Variants in TAS2R1 observed in about 807,000 individuals in gnomAD.
TAS2R1 encodes the protein taste 2 receptor member 1, also known as taste receptor type 2 member 1.
For missense variants in TAS2R1, 370 were observed against 353.4 expected (o/e 1.05, Z -0.38); for synonymous variants, 141 against 134.2 (o/e 1.05, Z -0.35).
At chr5:9,870,464 T>G in the TAS2R1 span, among the ~76,000 whole-genome samples, 1 of 152,216 alleles carries the variant, frequency 6.6e-6, no homozygotes. Flanking sequence ...CTCTGTAGTC[T>G]TAGCTGTCAC....
chr5:9,653,616 C>T (rs1455408792), intron 2 of TAS2R1, among the ~76,000 whole-genome samples: 1 of 152,136 alleles, frequency 6.6e-6, no homozygotes, highest in Non-Finnish European at 1.5e-5. Flanking sequence ...AGCAGCGACA[C>T]CATTTTACAT....
At chr5:9,764,603 T>C in the TAS2R1 span, among the ~76,000 whole-genome samples, 4 of 152,140 alleles carry the variant, frequency 2.6e-5, no homozygotes, top group Non-Finnish European at 5.9e-5. Flanking sequence ...AACAAGTAGG[T>C]CCCTTACACA....
chr5:9,721,983 A>G, the TAS2R1 span, among the ~76,000 whole-genome samples: 1 of 152,232 alleles, frequency 6.6e-6, no homozygotes, highest in African/African-American at 2.4e-5. Flanking sequence ...ATAGGTGGCC[A>G]GACCAGTAAC....
chr5:9,812,788 C>A, the TAS2R1 span, among the ~76,000 whole-genome samples: 1 of 152,186 alleles, frequency 6.6e-6, no homozygotes, highest in African/African-American at 2.4e-5. Flanking sequence ...GTAGTGAAAG[C>A]AAGCCATGTG....
the TAS2R1 span, among the ~76,000 whole-genome samples, chr5:9,743,568 G>A: frequency 6.6e-6 from 1 of 152,112 alleles, no homozygotes; most frequent in Non-Finnish European, 1.5e-5. Context: ...GTCACTTCGC[G>A]CCTCTTTGCC....
chr5:9,902,279 T>C, the TAS2R1 span, among the ~76,000 whole-genome samples: 2 of 152,042 alleles, frequency 1.3e-5, no homozygotes, highest in Non-Finnish European at 2.9e-5. Flanking sequence ...ACTGAGTGGG[T>C]CAACTACCAC....
chr5:9,840,110 G>T, the TAS2R1 span, among the ~76,000 whole-genome samples: 1 of 152,262 alleles, frequency 6.6e-6, no homozygotes, highest in South Asian at 2.1e-4. Flanking sequence ...GCTGCATAAA[G>T]TTCCCTGGTG....
At chr5:9,791,904 T>A in the TAS2R1 span, among the ~76,000 whole-genome samples, 2 of 152,166 alleles carry the variant, frequency 1.3e-5, no homozygotes, top group Admixed American at 6.5e-5. Flanking sequence ...AGCTCTCCTG[T>A]GAGCAGCCGA....
the TAS2R1 span, among the ~76,000 whole-genome samples, chr5:9,847,480 C>A: frequency 6.6e-6 from 1 of 152,184 alleles, no homozygotes; most frequent in East Asian, 1.9e-4. Flanking sequence ...AAATGCAGAA[C>A]CTGAGATAGG....
the TAS2R1 span, among the ~76,000 whole-genome samples, chr5:9,752,168 C>T: frequency 1.3e-5 from 2 of 152,290 alleles, no homozygotes; most frequent in South Asian, 4.2e-4. Flanking sequence ...ATACACTACC[C>T]ATTCTGGCAT....
chr5:9,864,632 C>CAAAA, the TAS2R1 span, among the ~76,000 whole-genome samples: 1 of 122,360 alleles, frequency 8.2e-6, no homozygotes, highest in African/African-American at 3.0e-5. Context: ...AGACTCCACT[C>CAAAA]AAAAAAAAAA....
intron 1 of TAS2R1, among the ~76,000 whole-genome samples, chr5:9,670,236 T>C (rs1269452072): frequency 2.0e-5 from 3 of 151,924 alleles, no homozygotes; most frequent in East Asian, 3.9e-4. Context: ...CAATAATGAG[T>C]TGTATTAAAT....
the TAS2R1 span, among the ~76,000 whole-genome samples, chr5:9,861,037 G>GTTTTTTTTTTTTTTTTTGTT: frequency 1.0e-4 from 9 of 88,612 alleles, no homozygotes; most frequent in Non-Finnish European, 1.5e-4. Flanking sequence ...GGAAGATGAG[G>GTTTTTTTTTTTTTTTTTGTT]TTTTTTTTTT....
rs777212943 is a variant in TAS2R1 at position 9,629,232 on chromosome 5, A to G, written c.801T>C (p.Gly267=). The G allele has an allele frequency of 6.2e-7, 1 of 1,613,678 alleles. No individual in the cohort carries two copies. The highest frequency in any genetic ancestry group is 8.5e-7 in the Non-Finnish European group (1 of 1,179,890). The part of the protein sequence containing the change: ...FIFLFFILVI[G]IYPSGHSLIL... ...TGAGAGAGTGTCCAGAAGGGTATAT[A>G]CCAATCACAAGGATGAAGAACAGAA... Residue 267 remains glycine, a synonymous_variant, in exon 1 of 1, where the codon GGT becomes GGC. Coordinates refer to ENST00000382492, the MANE Select transcript of TAS2R1 (RefSeq NM_019599.3).
the TAS2R1 span, among the ~76,000 whole-genome samples, chr5:9,725,808 G>C: frequency 6.6e-6 from 1 of 152,334 alleles, no homozygotes; most frequent in African/African-American, 2.4e-5. Context: ...TGGTGGGGAC[G>C]TGGAGAACCT....
chr5:9,705,146 CACA>C (rs955035111), intron 1 of TAS2R1, among the ~76,000 whole-genome samples: 4 of 152,044 alleles, frequency 2.6e-5, no homozygotes, highest in Non-Finnish European at 5.9e-5. Flanking sequence ...AAAAAAATCC[CACA>C]ACAATTCAGA....
At chr5:9,872,919 CT>C in the TAS2R1 span, among the ~76,000 whole-genome samples, 1 of 152,188 alleles carries the variant, frequency 6.6e-6, no homozygotes. Context: ...AATCATTAAT[CT>C]GTCAGACATG....
intron 2 of TAS2R1, among the ~76,000 whole-genome samples, chr5:9,653,635 A>G (rs1345131316): frequency 6.6e-6 from 1 of 152,144 alleles, no homozygotes; most frequent in African/African-American, 2.4e-5. Context: ...ATTCCCATCC[A>G]TAGTGCACAG....
the TAS2R1 span, among the ~76,000 whole-genome samples, chr5:9,815,707 T>C: frequency 1.3e-5 from 2 of 151,388 alleles, no homozygotes; most frequent in Non-Finnish European, 2.9e-5. Flanking sequence ...GGAACCCTGG[T>C]AGAACAACTA....
Sources: gnomAD v4.1 joint callset for allele counts (sites outside exome capture counted in the v4.1 genomes callset) on GRCh38, gnomAD v4.1.1 for gene constraint, MANE v1.5 for transcripts, NCBI Gene and HGNC (gene_info 2026-07-23, HGNC 2026-07-21) for gene names.